The following CLPB variants were observed in gnomAD, a reference collection of about 807,000 sequenced individuals.
CLPB encodes the protein mitochondrial disaggregase.
In CLPB, 40 loss-of-function variants were observed where a neutral mutation model predicts 78.4. The ratio of observed to expected loss-of-function variants is 0.51; its 90% CI spans 0.40 to 0.66. The LOEUF (loss-of-function observed/expected upper bound fraction) is 0.66. Among genes scored for constraint, CLPB ranks in the 30% least tolerant of loss-of-function variants. The pLI, the probability that CLPB is intolerant of heterozygous loss-of-function variation, is 0.00. For synonymous variants in CLPB, 333 were observed against 348.0 expected, an observed-to-expected ratio of 0.96 and a Z score of 0.48; for missense variants, 780 against 886.9, an observed-to-expected ratio of 0.88 and a Z score of 1.53.
At chr11:72,342,244 A>G (rs1950433918) in intron 5 of CLPB, among the ~76,000 whole-genome samples, 1 of 152,222 alleles carries the variant, frequency 6.6e-6, no homozygotes, top group South Asian at 2.1e-4. Context: ...TCTACGGAAA[A>G]TAGGTAGATC....
intron 2 of CLPB, chr11:72,429,203 C>T (rs1856473476): frequency 6.6e-6 from 1 of 152,196 alleles, no homozygotes; most frequent in East Asian, 1.9e-4. Context: ...TGCATCATCG[C>T]ATGTTTATTA....
intron 3 of CLPB, among the ~76,000 whole-genome samples, chr11:72,400,917 T>G (rs780179907): frequency 6.6e-6 from 1 of 152,186 alleles, no homozygotes; most frequent in East Asian, 1.9e-4. Context: ...TCTCCTTACC[T>G]GCATTTGTTT....
At chr11:72,377,616 G>T (rs1016828740) in intron 4 of CLPB, among the ~76,000 whole-genome samples, 14 of 21,082 alleles carry the variant, frequency 6.6e-4, no homozygotes, top group Non-Finnish European at 1.2e-3. Context: ...CCAGGAAAAA[G>T]AAAATAAAAG....
intron 3 of CLPB, among the ~76,000 whole-genome samples, chr11:72,397,439 A>G (rs969623824): frequency 6.6e-5 from 10 of 152,228 alleles, no homozygotes; most frequent in Non-Finnish European, 8.8e-5. Flanking sequence ...TTACCTTTAT[A>G]AGAAACTGCC....
intron 7 of CLPB, among the ~76,000 whole-genome samples, chr11:72,313,199 G>T (rs1405567023): frequency 6.6e-6 from 1 of 152,068 alleles, no homozygotes; most frequent in East Asian, 1.9e-4. Flanking sequence ...TCCTTCAGAG[G>T]GACTCTCATG....
chr11:72,382,620 CA>C (rs1448093911), intron 3 of CLPB, among the ~76,000 whole-genome samples: 2 of 152,236 alleles, frequency 1.3e-5, no homozygotes, highest in African/African-American at 4.8e-5. Flanking sequence ...ACCCAGGTAC[CA>C]GGCCAGCCTG....
chr11:72,354,362 G>A, intron 5 of CLPB: 1 of 398,034 alleles, frequency 2.5e-6, no homozygotes, highest in Non-Finnish European at 4.4e-6. Flanking sequence ...ATGCCTTGGA[G>A]AATGAGGGCT....
chr11:72,396,179 G>T (rs1855401092), intron 3 of CLPB, among the ~76,000 whole-genome samples: 2 of 152,248 alleles, frequency 1.3e-5, no homozygotes, highest in Non-Finnish European at 2.9e-5. Context: ...GCAAATGCGT[G>T]TTATCCACTC....
intron 5 of CLPB, chr11:72,354,166 T>C (rs117498960): frequency 0.034 from 12,385 of 367,290 alleles, 316 homozygotes; most frequent in Non-Finnish European, 0.04. Flanking sequence ...CTGACTCCAA[T>C]ATTCATGCTC....
Position 72,293,097 on chromosome 11 carries a change from C to T in CLPB, c.*270G>A, listed in dbSNP as rs1949479318. On this transcript the variant is annotated 3_prime_UTR_variant, in exon 16 of 16. Transcript: ENST00000538039. ...TGAAGGAAATAAGGGACCTCCATCC[C>T]TCCTTGCCTTGAAGGGGGTGGAAAG... The T allele has an allele frequency of 4.8e-6, 2 of 412,832 alleles. No individual in the cohort carries two copies. The highest frequency in any genetic ancestry group is 3.6e-5 in the Admixed American group (1 of 27,764). 25.6% of individuals were successfully genotyped at this position (412,832 alleles called of 1,614,324 possible). A position where few individuals can be genotyped will look rare whatever the true frequency, so the allele number is the denominator to read the frequency against.
At chr11:72,391,345 GCT>G (rs1855249492) in intron 3 of CLPB, among the ~76,000 whole-genome samples, 2 of 152,136 alleles carry the variant, frequency 1.3e-5, no homozygotes, top group Admixed American at 1.3e-4. Flanking sequence ...ATGAGTCCAT[GCT>G]CTTTCTCTTT....
chr11:72,349,156 T>C (rs1335016565), intron 5 of CLPB, among the ~76,000 whole-genome samples: 1 of 152,234 alleles, frequency 6.6e-6, no homozygotes, highest in Non-Finnish European at 1.5e-5. Context: ...TCTGAGATTA[T>C]AGTCCAATTA....
intron 3 of CLPB, among the ~76,000 whole-genome samples, chr11:72,400,598 T>C (rs1025175652): frequency 9.2e-5 from 14 of 152,104 alleles, no homozygotes; most frequent in African/African-American, 3.4e-4. Context: ...CCTCTCCACC[T>C]CTCCTTCTTT....
At chr11:72,372,292 T>A (rs780440463) in intron 4 of CLPB, among the ~76,000 whole-genome samples, 1 of 152,228 alleles carries the variant, frequency 6.6e-6, no homozygotes, top group African/African-American at 2.4e-5. Context: ...AGGTTTACAT[T>A]CACAGAATTT....
At chr11:72,430,954 T>C (rs1026728578) in intron 1 of CLPB, among the ~76,000 whole-genome samples, 6 of 152,210 alleles carry the variant, frequency 3.9e-5, no homozygotes, top group African/African-American at 7.2e-5. Flanking sequence ...ACAGCTTTCC[T>C]GACTGTAAAA....
intron 5 of CLPB, among the ~76,000 whole-genome samples, chr11:72,330,695 A>G (rs1950208495): frequency 6.6e-6 from 1 of 152,244 alleles, no homozygotes; most frequent in South Asian, 2.1e-4. Context: ...CAGAAGAATC[A>G]GATCTGGCCC....
intron 5 of CLPB, among the ~76,000 whole-genome samples, chr11:72,334,971 T>C (rs1052173227): frequency 2.6e-5 from 4 of 152,246 alleles, no homozygotes; most frequent in African/African-American, 7.2e-5. Context: ...GGTCACTCAT[T>C]GGGGAAATAT....
At chr11:72,427,131 G>T (rs1856406376) in intron 2 of CLPB, among the ~76,000 whole-genome samples, 1 of 152,220 alleles carries the variant, frequency 6.6e-6, no homozygotes, top group South Asian at 2.1e-4. Flanking sequence ...CACATCCAGG[G>T]CCCATGGACT....
intron 5 of CLPB, among the ~76,000 whole-genome samples, chr11:72,333,827 G>T (rs377256267): frequency 1.6e-4 from 24 of 152,328 alleles, no homozygotes; most frequent in East Asian, 1.2e-3. Context: ...GGAGCCAGTG[G>T]CAGACAGCAT....
Sources: allele counts gnomAD v4.1 joint callset (sites outside exome capture counted in the v4.1 genomes callset), GRCh38; gene constraint gnomAD v4.1.1; transcripts MANE v1.5; gene names NCBI Gene and HGNC (gene_info 2026-07-23, HGNC 2026-07-21).